The following QDPR variants were observed in gnomAD, a reference collection of about 807,000 sequenced individuals.
The protein encoded by QDPR is quinoid dihydropteridine reductase.
In QDPR, 23 loss-of-function variants were observed where a neutral mutation model predicts 31.7. The ratio of observed to expected loss-of-function variants is 0.73; its 90% CI spans 0.52 to 1.03. The LOEUF is 1.03. Ranked by LOEUF, QDPR falls within the 50% of genes least tolerant of loss-of-function variation. The pLI, the probability that QDPR is intolerant of heterozygous loss-of-function variation, is 0.00. For missense variants in QDPR, 324 were observed against 323.8 expected (o/e 1.00, Z 0.00); for synonymous variants, 124 against 124.7 (o/e 0.99, Z 0.03).
Position 17,501,855 on chromosome 4 carries a change from G to C in QDPR, c.300C>G (p.Leu100=). The change falls in exon 4 of 7, where the codon CTC becomes CTG. Residue 100 remains leucine, a synonymous_variant. Coordinates refer to ENST00000281243, the MANE Select transcript of QDPR (RefSeq NM_000320.3). ...TCCACATCAGGTCACAGTTCTTAAA[G>C]AGAGCTGAGTGAAAAAAACATGTGG... The part of the protein sequence containing the change: ...WAGGNAKSKS[L]FKNCDLMWKQ... 1 of 1,614,150 alleles carries C rather than the reference G, an allele frequency of 6.2e-7. No individual in the cohort carries two copies. Among genetic ancestry groups the C allele is most frequent in the Admixed American group, 1.7e-5 (1 of 60,014 alleles).
At chr4:17,510,896 G>T (rs1718981830) in intron 1 of QDPR, among the ~76,000 whole-genome samples, 1 of 152,206 alleles carries the variant, frequency 6.6e-6, no homozygotes, top group Admixed American at 6.5e-5. Context: ...CAGGAAGGGA[G>T]TGGTGTGACT....
intron 6 of QDPR, among the ~76,000 whole-genome samples, chr4:17,489,851 A>C (rs1319209808): frequency 6.6e-6 from 1 of 152,216 alleles, no homozygotes; most frequent in Non-Finnish European, 1.5e-5. Flanking sequence ...CATCTCTTAT[A>C]AACAGTCGTC....
At chr4:17,494,782 G>A (rs950530522) in intron 4 of QDPR, among the ~76,000 whole-genome samples, 1 of 152,196 alleles carries the variant, frequency 6.6e-6, no homozygotes, top group African/African-American at 2.4e-5. Context: ...AATTCAAAAA[G>A]TGCAGCCCTA....
intron 2 of QDPR, among the ~76,000 whole-genome samples, chr4:17,506,376 C>G (rs1012402913): frequency 1.3e-5 from 2 of 152,204 alleles, no homozygotes; most frequent in Non-Finnish European, 2.9e-5. Context: ...AGTGATCCTC[C>G]TGCCTCAGCC....
At position 17,501,876 on chromosome 4, in the gene QDPR, T is replaced by G. The variant is rs370564980; in HGVS notation, c.296-17A>C. ...TAAAGAGAGCTGAGTGAAAAAAACA[T>G]GTGGGCTCAGCATTCCCAGGAAAGA... On this transcript the variant is annotated splice_polypyrimidine_tract_variant and intron_variant, in intron 3 of 6. Transcript: ENST00000281243. 1 of 1,613,932 alleles carries G rather than the reference T, an allele frequency of 6.2e-7. No individual in the cohort carries two copies. The highest frequency in any genetic ancestry group is 8.5e-7 in the Non-Finnish European group (1 of 1,179,964).
intron 1 of QDPR, 77 bp downstream of exon 1, chr4:17,511,873 C>A: frequency 7.0e-7 from 1 of 1,437,490 alleles, no homozygotes; most frequent in Non-Finnish European, 9.4e-7. Context: ...TTCCTCTAGA[C>A]TGCCCCCCGC....
chr4:17,499,981 C>A (rs753376140), intron 4 of QDPR, among the ~76,000 whole-genome samples: 4 of 151,652 alleles, frequency 2.6e-5, no homozygotes, highest in East Asian at 3.9e-4. Flanking sequence ...GAGCTCCCCC[C>A]ACCTTTTTTT....
chr4:17,503,214 T>C (rs1718632508), intron 3 of QDPR, among the ~76,000 whole-genome samples: 1 of 152,238 alleles, frequency 6.6e-6, no homozygotes, highest in African/African-American at 2.4e-5. Context: ...CAAAAAGTCT[T>C]ATCACAGGGG....
intron 2 of QDPR, among the ~76,000 whole-genome samples, chr4:17,508,057 A>C (rs1269607935): frequency 6.6e-6 from 1 of 152,240 alleles, no homozygotes; most frequent in Non-Finnish European, 1.5e-5. Context: ...TAATATGCAT[A>C]TCATTTTATA....
intron 4 of QDPR, among the ~76,000 whole-genome samples, chr4:17,497,163 G>A (rs1718391040): frequency 6.6e-6 from 1 of 152,162 alleles, no homozygotes; most frequent in Non-Finnish European, 1.5e-5. Context: ...GGGCCTGGGA[G>A]GGAGTGCCAT....
At chr4:17,502,511 A>G (rs1369675686) in intron 3 of QDPR, among the ~76,000 whole-genome samples, 3 of 152,214 alleles carry the variant, frequency 2.0e-5, no homozygotes, top group Non-Finnish European at 4.4e-5. Flanking sequence ...TAGGTGATAA[A>G]CAAGAAATTG....
intron 2 of QDPR, among the ~76,000 whole-genome samples, chr4:17,504,775 G>T (rs369909087): frequency 1.1e-4 from 16 of 150,096 alleles, no homozygotes; most frequent in South Asian, 4.2e-4. Context: ...GTAGGGAAAG[G>T]TTAAAAAAAA....
At chr4:17,497,135 G>A (rs1349476108) in intron 4 of QDPR, among the ~76,000 whole-genome samples, 1 of 152,166 alleles carries the variant, frequency 6.6e-6, no homozygotes, top group Non-Finnish European at 1.5e-5. Flanking sequence ...GGACACCTGA[G>A]AAGCCATCAC....
At chr4:17,491,222 G>A (rs28375535) in intron 5 of QDPR, among the ~76,000 whole-genome samples, 5,541 of 152,222 alleles carry the variant, frequency 0.036, 356 homozygotes, top group African/African-American at 0.13. Flanking sequence ...GAATAATATA[G>A]AATTCAGATA....
rs1718173521 is a variant in QDPR at position 17,491,811 on chromosome 4, TAAG to T, written c.545+418_545+420del. ...AACACAAACTGCAACATAATAGTAT[TAAG>T]AGGTGGGGTCTGCAGGAGACAAGTG... On this transcript the variant is annotated intron_variant, in intron 5 of 6. Coordinates refer to ENST00000281243, the MANE Select transcript of QDPR (RefSeq NM_000320.3). Among the ~76,000 whole-genome samples, 6 of 152,124 alleles carry T rather than the reference TAAG, an allele frequency of 3.9e-5. No individual in the cohort carries two copies. In the South Asian group the frequency reaches 1.2e-3, roughly 32 times the overall value.
chr4:17,511,841 G>C (rs1260003539), intron 1 of QDPR, 109 bp downstream of exon 1: 2 of 1,086,682 alleles, frequency 1.8e-6, no homozygotes, highest in East Asian at 5.5e-5. Flanking sequence ...CACGAGTCAG[G>C]GGGTGCACAG....
intron 3 of QDPR, among the ~76,000 whole-genome samples, chr4:17,503,771 G>A (rs1214584123): frequency 6.6e-6 from 1 of 152,146 alleles, no homozygotes; most frequent in Non-Finnish European, 1.5e-5. Flanking sequence ...GCAACATGGT[G>A]AAACCCCGTC....
chr4:17,488,917 G>A (rs766170659), intron 6 of QDPR, among the ~76,000 whole-genome samples: 1 of 152,204 alleles, frequency 6.6e-6, no homozygotes, highest in Non-Finnish European at 1.5e-5. Context: ...GGTAGGGCTT[G>A]GTGAGGGAAG....
intron 3 of QDPR, among the ~76,000 whole-genome samples, chr4:17,504,151 C>G (rs539838957): frequency 2.6e-4 from 39 of 152,292 alleles, no homozygotes; most frequent in African/African-American, 8.7e-4. Flanking sequence ...TCTGCCTCTA[C>G]TTTAAACTCA....
Sources: gnomAD v4.1 joint callset for allele counts (sites outside exome capture counted in the v4.1 genomes callset) on GRCh38, gnomAD v4.1.1 for gene constraint, MANE v1.5 for transcripts, NCBI Gene and HGNC (gene_info 2026-07-23, HGNC 2026-07-21) for gene names.